The following OXR1 variants were observed in gnomAD, a reference collection of about 807,000 sequenced individuals.
The protein encoded by OXR1 is oxidation resistance protein 1.
In OXR1, 41 loss-of-function variants were observed where a neutral mutation model predicts 104.6. The ratio of observed to expected loss-of-function variants is 0.39; its 90% CI spans 0.31 to 0.51. The LOEUF (loss-of-function observed/expected upper bound fraction) is 0.51, where lower values mean the gene tolerates loss of function less well. Ranked by LOEUF, OXR1 falls within the 20% of genes least tolerant of loss-of-function variation. OXR1 has a pLI of 0.77. For missense variants in OXR1, 955 were observed against 1,031.9 expected, an observed-to-expected ratio of 0.93 and a Z score of 1.02; for synonymous variants, 348 against 348.4, an observed-to-expected ratio of 1.00 and a Z score of 0.01.
intron 2 of OXR1, among the ~76,000 whole-genome samples, chr8:106,433,090 G>A (rs1046783271): frequency 2.0e-5 from 3 of 152,172 alleles, no homozygotes; most frequent in Admixed American, 6.5e-5. Context: ...GCGCGAGACC[G>A]GAGTTTTATT....
intron 1 of OXR1, among the ~76,000 whole-genome samples, chr8:106,309,231 T>G (rs950952364): frequency 7.2e-5 from 11 of 152,166 alleles, no homozygotes; most frequent in African/African-American, 2.4e-4. Flanking sequence ...ATCCTCCTGC[T>G]TCAGCCTCCC....
intron 3 of OXR1, among the ~76,000 whole-genome samples, chr8:106,547,091 A>T (rs1441845904): frequency 2.0e-5 from 3 of 152,084 alleles, no homozygotes; most frequent in Non-Finnish European, 2.9e-5. Context: ...GGGTTTCACC[A>T]TGTTGGCCAG....
intron 2 of OXR1, among the ~76,000 whole-genome samples, chr8:106,460,816 A>G (rs1545517): frequency 0.065 from 9,896 of 152,234 alleles, 385 homozygotes; most frequent in Non-Finnish European, 0.087. Flanking sequence ...AGCCAAAATC[A>G]TAGACTAATA....
At chr8:106,630,836 C>A (rs933205349) in intron 3 of OXR1, among the ~76,000 whole-genome samples, 6 of 152,144 alleles carry the variant, frequency 3.9e-5, no homozygotes, top group Non-Finnish European at 7.4e-5. Context: ...GTTTCTAACA[C>A]TTCTAGTTCT....
chr8:106,473,673 C>T (rs562115244), intron 2 of OXR1, among the ~76,000 whole-genome samples: 1 of 151,788 alleles, frequency 6.6e-6, no homozygotes, highest in Non-Finnish European at 1.5e-5. Context: ...TAGTAGTTAA[C>T]CGTGAATAAT....
intron 2 of OXR1, among the ~76,000 whole-genome samples, chr8:106,446,841 A>G (rs1171085457): frequency 6.6e-6 from 1 of 152,124 alleles, no homozygotes; most frequent in Admixed American, 6.6e-5. Context: ...CTGAAACAGG[A>G]AGATCACTTG....
At chr8:106,664,442 T>C (rs1162322611) in intron 3 of OXR1, among the ~76,000 whole-genome samples, 1 of 152,226 alleles carries the variant, frequency 6.6e-6, no homozygotes, top group African/African-American at 2.4e-5. Context: ...GTAAGTCTTT[T>C]ATCCATGGGA....
At chr8:106,352,929 C>T (rs1226990685) in intron 1 of OXR1, among the ~76,000 whole-genome samples, 2 of 152,116 alleles carry the variant, frequency 1.3e-5, no homozygotes. Flanking sequence ...AACAAGATAA[C>T]ACAAATTATA....
chr8:106,478,376 A>G (rs1821919015), intron 2 of OXR1, among the ~76,000 whole-genome samples: 1 of 151,892 alleles, frequency 6.6e-6, no homozygotes, highest in Admixed American at 6.6e-5. Flanking sequence ...ATTACTTTTT[A>G]TTGTATTATA....
intron 2 of OXR1, among the ~76,000 whole-genome samples, chr8:106,372,407 GT>G (rs113406678): frequency 0.048 from 6,999 of 144,598 alleles, 497 homozygotes; most frequent in African/African-American, 0.16. Flanking sequence ...TGCTTATTAT[GT>G]TTTTTTTTTT....
At chr8:106,581,674 C>G (rs1033154717) in intron 3 of OXR1, among the ~76,000 whole-genome samples, 1 of 152,088 alleles carries the variant, frequency 6.6e-6, no homozygotes, top group African/African-American at 2.4e-5. Context: ...TAATGTCACA[C>G]TTGAGACAAC....
intron 2 of OXR1, among the ~76,000 whole-genome samples, chr8:106,457,672 G>C (rs1256686452): frequency 6.6e-6 from 1 of 152,084 alleles, no homozygotes; most frequent in African/African-American, 2.4e-5. Flanking sequence ...AATCTTCTTA[G>C]GGATTATTTA....
chr8:106,343,210 G>A (rs904012391), intron 1 of OXR1, among the ~76,000 whole-genome samples: 1 of 152,178 alleles, frequency 6.6e-6, no homozygotes, highest in Non-Finnish European at 1.5e-5. Context: ...GGAATGGTGT[G>A]TTTTAAACAT....
chr8:106,330,183 A>G (rs1313448375), intron 1 of OXR1, among the ~76,000 whole-genome samples: 5 of 152,202 alleles, frequency 3.3e-5, no homozygotes, highest in South Asian at 2.1e-4. Flanking sequence ...GTGCTTTTAT[A>G]TACTTAACAC....
intron 2 of OXR1, among the ~76,000 whole-genome samples, chr8:106,500,890 A>G (rs1388376106): frequency 2.0e-5 from 3 of 152,206 alleles, no homozygotes; most frequent in African/African-American, 7.2e-5. Flanking sequence ...CTCTTACATC[A>G]TTAGTAAAAG....
intron 1 of OXR1, among the ~76,000 whole-genome samples, chr8:106,354,169 A>G (rs1316262608): frequency 1.3e-5 from 2 of 152,024 alleles, no homozygotes; most frequent in Non-Finnish European, 2.9e-5. Context: ...AGCAAGCTCA[A>G]GCAGAGTAGA....
chr8:106,365,744 G>A (rs767618805), intron 2 of OXR1, among the ~76,000 whole-genome samples: 10 of 152,098 alleles, frequency 6.6e-5, no homozygotes, highest in Non-Finnish European at 1.2e-4. Context: ...TTAAAAATTA[G>A]ACATTTATAA....
chr8:106,380,378 C>T (rs1468899611), intron 2 of OXR1, among the ~76,000 whole-genome samples: 1 of 152,060 alleles, frequency 6.6e-6, no homozygotes, highest in Non-Finnish European at 1.5e-5. Context: ...AATGGAGGGA[C>T]ATTTGGGTTG....
intron 1 of OXR1, among the ~76,000 whole-genome samples, chr8:106,344,551 A>G (rs1335717026): frequency 6.6e-6 from 1 of 152,040 alleles, no homozygotes; most frequent in African/African-American, 2.4e-5. Flanking sequence ...TTTAGCCAGG[A>G]TGGTCTTGAT....
Sources: gnomAD v4.1 joint callset for allele counts (sites outside exome capture counted in the v4.1 genomes callset) on GRCh38, gnomAD v4.1.1 for gene constraint, MANE v1.5 for transcripts, NCBI Gene and HGNC (gene_info 2026-07-23, HGNC 2026-07-21) for gene names.